The following CHDH variants were observed in gnomAD, a reference collection of about 807,000 sequenced individuals.
CHDH encodes the protein choline dehydrogenase, mitochondrial.
A neutral mutation model predicts 56.9 loss-of-function variants in CHDH; 43 were observed. The observed-to-expected ratio is 0.76, with a 90% CI of 0.59 to 0.97. The LOEUF (loss-of-function observed/expected upper bound fraction) is 0.97, where lower values mean the gene tolerates loss of function less well. Among genes scored for constraint, CHDH ranks in the 50% least tolerant of loss-of-function variants. The pLI is 0.00. For missense variants in CHDH, 816 were observed against 821.1 expected, an observed-to-expected ratio of 0.99 and a Z score of 0.08; for synonymous variants, 364 against 348.5, an observed-to-expected ratio of 1.04 and a Z score of -0.50.
At chr3:53,822,375 A>C in intron 4 of CHDH, 116 bp downstream of exon 4, 1 of 984,436 alleles carries the variant, frequency 1.0e-6, no homozygotes, top group Non-Finnish European at 1.5e-6. Context: ...CCCCGCCATC[A>C]CAGGGATGAG....
At chr3:53,828,567 C>T (rs532468075) in intron 2 of CHDH, among the ~76,000 whole-genome samples, 8 of 152,138 alleles carry the variant, frequency 5.3e-5, no homozygotes, top group African/African-American at 9.7e-5. Flanking sequence ...ACAGATAACC[C>T]GATTAAAGAA....
chr3:53,834,023 G>A (rs188055882), intron 2 of CHDH, among the ~76,000 whole-genome samples: 1 of 152,172 alleles, frequency 6.6e-6, no homozygotes, highest in Admixed American at 6.5e-5. Flanking sequence ...GCCACAGTGG[G>A]TGGATCAAGC....
At chr3:53,821,815 G>A in intron 4 of CHDH, 39 bp from the exon 5 acceptor site, 2 of 1,608,696 alleles carry the variant, frequency 1.2e-6, no homozygotes, top group Non-Finnish European at 1.7e-6. Flanking sequence ...TGAAAAGCCA[G>A]CTGTTCTCCT....
In CHDH at chr3:53,832,332, C is replaced by G. The variant is rs528176731; in HGVS notation, c.-59-8265G>C. ...GGATCATGAGGTCAGGAGATTAAGA[C>G]CATCCTGGATAACATGGTGAAACCC... On this transcript the variant is annotated intron_variant, in intron 2 of 8. Transcript: ENST00000315251. 1.2e-3 allele frequency among the ~76,000 whole-genome samples: 189 copies of G among 152,158 alleles called. 1 individual carries two copies. Among genetic ancestry groups the G allele is most frequent in the African/African-American group, 4.2e-3 (176 of 41,536 alleles).
At chr3:53,843,979 T>A (rs528700712) in intron 1 of CHDH, among the ~76,000 whole-genome samples, 2 of 152,330 alleles carry the variant, frequency 1.3e-5, no homozygotes, top group East Asian at 3.9e-4. Flanking sequence ...CAGGGCCACT[T>A]GAGGCATGGC....
intron 2 of CHDH, among the ~76,000 whole-genome samples, chr3:53,840,330 C>A (rs1698631439): frequency 6.6e-6 from 1 of 151,870 alleles, no homozygotes; most frequent in Non-Finnish European, 1.5e-5. Flanking sequence ...AGTTCAAGAC[C>A]AGCTTGGGAA....
In CHDH at chr3:53,823,536, C is replaced by T. The variant is rs1576784535; in HGVS notation, c.473G>A (p.Trp158Ter). 3 of 1,542,256 alleles carry T rather than the reference C, an allele frequency of 1.9e-6. No individual in the cohort carries two copies. In the East Asian group the frequency reaches 7.3e-5, roughly 38 times the overall value. ...GTAGGGCAGGCAGTGCGCGTAGTCC[C>T]AGCCGCGGGCGCCCTGGCGCTGCCA... ...ERWQRQGARGWDYAHCLPYFR... is the reference protein window; with the variant it reads ...ERWQRQGARG Residue 158 changes from tryptophan to a stop codon, truncating the protein, a stop_gained, in exon 3 of 9, where the codon TGG (tryptophan) becomes TAG (stop). Coordinates refer to ENST00000315251, the MANE Select transcript of CHDH (RefSeq NM_018397.5). LOFTEE classifies it high-confidence loss of function.
intron 2 of CHDH, among the ~76,000 whole-genome samples, chr3:53,827,136 C>T (rs534279231): frequency 1.3e-5 from 2 of 152,218 alleles, no homozygotes; most frequent in East Asian, 1.9e-4. Flanking sequence ...ATTTGTGCCT[C>T]CACCCAAATC....
chr3:53,816,779 A>C lies in CHDH; in HGVS notation c.*998T>G, dbSNP rs925867134. On this transcript the variant is annotated 3_prime_UTR_variant, in exon 9 of 9. Coordinates refer to ENST00000315251, the MANE Select transcript of CHDH (RefSeq NM_018397.5). ...CTAAGTCATAAAACCTTTGGTAGTG[A>C]AGCCAAGCGGCATTCCCTCCAGACT... is the stretch of plus-strand genomic sequence containing the variant. The C allele has an allele frequency of 1.3e-5, 2 of 151,964 alleles. No individual in the cohort carries two copies. The highest frequency in any genetic ancestry group is 6.6e-5 in the Admixed American group (1 of 15,264). The allele number at this position is 151,964 out of a possible 1,614,324, so 9.4% of individuals were successfully genotyped here.
intron 1 of CHDH, among the ~76,000 whole-genome samples, chr3:53,845,708 C>A (rs1331120206): frequency 6.6e-6 from 1 of 152,172 alleles, no homozygotes; most frequent in African/African-American, 2.4e-5. Context: ...CGCTAGAGAT[C>A]CCGGGCCAGG....
In CHDH at chr3:53,823,310, A is replaced by C; in HGVS notation, c.699T>G (p.His233Gln). 2 of 1,554,000 alleles carry C rather than the reference A, an allele frequency of 1.3e-6. No homozygotes were observed. The highest frequency in any genetic ancestry group is 1.7e-4 in the Middle Eastern group (1 of 5,852). Residue 233 changes from histidine to glutamine, a missense_variant, in exon 3 of 9, where the codon CAT (histidine) becomes CAG (glutamine). Coordinates refer to ENST00000315251, the MANE Select transcript of CHDH (RefSeq NM_018397.5). ...AAAGAGAAGGGAGACCACTACCTTC[A>C]TGGATGGTCATGTCCATCCAGCCGA... is the stretch of plus-strand genomic sequence containing the variant. ...EGFGWMDMTI[H>Q]EGKRWSAACA...
At chr3:53,824,297 G>A (rs1312568170) in intron 2 of CHDH, among the ~76,000 whole-genome samples, 2 of 152,244 alleles carry the variant, frequency 1.3e-5, no homozygotes, top group Non-Finnish European at 2.9e-5. Flanking sequence ...CCCCAACTGA[G>A]GGGTAAAATG....
At position 53,819,632 on chromosome 3, in the gene CHDH, C is replaced by T. The variant is rs1230755890; in HGVS notation, c.1163G>A (p.Arg388His). 3.1e-6 allele frequency: 5 copies of T among 1,611,294 alleles called. No individual in the cohort carries two copies. Among genetic ancestry groups the T allele is most frequent in the African/African-American group, 1.3e-5 (1 of 74,872 alleles). ...TAHLETGGFI[R>H]SQPGVPHPDI... is the part of the protein sequence containing the mutation. ...CGGGTGGGGGACCCCAGGCTGGCTGCGGATGAACCCACCTGTTTCCAGATG... is the reference window on the plus strand; with the variant it reads ...CGGGTGGGGGACCCCAGGCTGGCTGTGGATGAACCCACCTGTTTCCAGATG... The change falls in exon 7 of 9, where the codon CGC becomes CAC. Residue 388 changes from arginine to histidine, a missense_variant. Physicochemically the swap from Arg to His is conservative, Grantham distance 29. Coordinates refer to ENST00000315251, the MANE Select transcript of CHDH (RefSeq NM_018397.5). The surrounding 1 kb of genome is among the most constrained non-coding windows in gnomAD (Gnocchi z 5.4).
chr3:53,828,525 T>C (rs1169065365), intron 2 of CHDH, among the ~76,000 whole-genome samples: 1 of 152,140 alleles, frequency 6.6e-6, no homozygotes, highest in Non-Finnish European at 1.5e-5. Context: ...ACTATGTAAA[T>C]ACACAAATAA....
Position 53,815,398 on chromosome 3 carries a change from C to G in CHDH, c.*2379G>C, listed in dbSNP as rs939442843. The stretch of plus-strand genomic sequence containing the variant: ...TGCTGGCTTCCTCAGGTGACAGCCT[C>G]TCCTCCTGGGGTGAATGAAAGACTC... On this transcript the variant is annotated 3_prime_UTR_variant, in exon 9 of 9. Coordinates refer to ENST00000315251, the MANE Select transcript of CHDH (RefSeq NM_018397.5). 6.6e-6 allele frequency: 1 copy of G among 152,240 alleles called. No individual in the cohort carries two copies. Among genetic ancestry groups the G allele is most frequent in the African/African-American group, 2.4e-5 (1 of 41,444 alleles). 9.4% of individuals were successfully genotyped at this position (152,240 alleles called of 1,614,324 possible). A position where few individuals can be genotyped will look rare whatever the true frequency, so the allele number is the denominator to read the frequency against.
intron 1 of CHDH, among the ~76,000 whole-genome samples, chr3:53,843,390 C>T (rs1156415097): frequency 6.6e-6 from 1 of 152,084 alleles, no homozygotes; most frequent in East Asian, 1.9e-4. Context: ...CACTCAAGGC[C>T]AACAGATGGT....
chr3:53,831,857 G>A (rs1698342791), intron 2 of CHDH, among the ~76,000 whole-genome samples: 1 of 151,412 alleles, frequency 6.6e-6, no homozygotes, highest in South Asian at 2.1e-4. Context: ...CATCCTGATG[G>A]CTATCACACC....
intron 2 of CHDH, among the ~76,000 whole-genome samples, chr3:53,831,967 AG>A (rs1422523868): frequency 6.6e-6 from 1 of 150,922 alleles, no homozygotes; most frequent in African/African-American, 2.5e-5. Flanking sequence ...AAAAAAAAAA[AG>A]AAAGAAAAGT....
Position 53,823,333 on chromosome 3 carries a change from C to A in CHDH, c.676G>T (p.Gly226Cys). The A allele has an allele frequency of 6.3e-7, 1 of 1,586,886 alleles. No homozygotes were observed. Among genetic ancestry groups the A allele is most frequent in the Non-Finnish European group, 8.6e-7 (1 of 1,165,400 alleles). Reference sequence around the variant, plus strand: ...TCATGGATGGTCATGTCCATCCAGCCGAAGCCCTCCTGCTGGAAGCCATTC... The same window carrying A: ...TCATGGATGGTCATGTCCATCCAGCAGAAGCCCTCCTGCTGGAAGCCATTC... The part of the protein sequence containing the change: ...DMNGFQQEGF[G>C]WMDMTIHEGK... Residue 226 changes from glycine (G) to cysteine (C), a missense_variant, in exon 3 of 9, where the codon GGC becomes TGC. By Grantham distance (159) the Gly-to-Cys change is radical. Transcript: ENST00000315251.
Sources: gnomAD v4.1 joint callset for allele counts (sites outside exome capture counted in the v4.1 genomes callset) on GRCh38, gnomAD v4.1.1 for gene constraint, Gnocchi (gnomAD v3.1) non-coding constraint, MANE v1.5 for transcripts, NCBI Gene and HGNC (gene_info 2026-07-23, HGNC 2026-07-21) for gene names.